RAB28: variants seen among roughly 807,000 people sequenced by gnomAD.
The protein encoded by RAB28 is ras-related protein Rab-28.
Under a neutral mutation model 31.7 loss-of-function variants are expected in RAB28, and 24 were observed. That is an observed-to-expected ratio of 0.76 (90% CI 0.55 to 1.06). RAB28 has a LOEUF of 1.06. Ranked by LOEUF, RAB28 falls within the 50% of genes least tolerant of loss-of-function variation. RAB28 has a pLI of 0.00. For missense variants in RAB28, 254 were observed against 258.5 expected (o/e 0.98, Z 0.12); for synonymous variants, 100 against 90.4 (o/e 1.11, Z -0.60).
chr4:13,400,347 A>C (rs73229655), intron 4 of RAB28, among the ~76,000 whole-genome samples: 2,095 of 152,300 alleles, frequency 0.014, 23 homozygotes, highest in Middle Eastern at 0.044. Flanking sequence ...CAGTTTGCTT[A>C]AATACCACAC....
chr4:13,371,372 G>A, intron 6 of RAB28: 1 of 985,192 alleles, frequency 1.0e-6, no homozygotes, highest in Non-Finnish European at 1.2e-6. Context: ...CAAACTATGG[G>A]TTACAATGAA....
intron 4 of RAB28, among the ~76,000 whole-genome samples, chr4:13,414,435 G>C (rs757150908): frequency 1.3e-5 from 2 of 152,132 alleles, no homozygotes; most frequent in African/African-American, 4.8e-5. Context: ...CCAAATTCTC[G>C]TATCAAAGGG....
intron 4 of RAB28, among the ~76,000 whole-genome samples, chr4:13,430,150 C>G (rs75640416): frequency 1.3e-5 from 2 of 152,076 alleles, no homozygotes; most frequent in African/African-American, 4.8e-5. Context: ...AACAGAACCC[C>G]TGCTCACATC....
At chr4:13,392,117 G>C (rs994928316) in intron 4 of RAB28, among the ~76,000 whole-genome samples, 4 of 152,038 alleles carry the variant, frequency 2.6e-5, no homozygotes, top group Non-Finnish European at 5.9e-5. Flanking sequence ...ATCTAAAGTT[G>C]TCACTTTTAT....
chr4:13,399,419 CAT>C (rs1325996254), intron 4 of RAB28, among the ~76,000 whole-genome samples: 15 of 152,210 alleles, frequency 9.9e-5, no homozygotes, highest in African/African-American at 3.1e-4. Context: ...TTACTCAGTA[CAT>C]GTCACCTGAT....
intron 4 of RAB28, among the ~76,000 whole-genome samples, chr4:13,393,272 T>C (rs1266997773): frequency 6.6e-6 from 1 of 152,070 alleles, no homozygotes; most frequent in Admixed American, 6.6e-5. Context: ...AAAAAATCAG[T>C]CAGATAGCCT....
At chr4:13,432,835 A>T (rs952542532) in intron 4 of RAB28, among the ~76,000 whole-genome samples, 1 of 152,182 alleles carries the variant, frequency 6.6e-6, no homozygotes, top group African/African-American at 2.4e-5. Flanking sequence ...ATAAAAGCTC[A>T]AAGACACTTT....
chr4:13,444,749 A>G (rs1169106137), intron 4 of RAB28, among the ~76,000 whole-genome samples: 1 of 152,224 alleles, frequency 6.6e-6, no homozygotes, highest in African/African-American at 2.4e-5. Context: ...GTGTAACCCA[A>G]AGCTTAATCT....
Position 13,386,254 on chromosome 4 carries a change from C to A in RAB28, c.392-4660G>T, listed in dbSNP as rs375136716. 4.6e-5 allele frequency among the ~76,000 whole-genome samples: 7 copies of A among 151,984 alleles called. No homozygotes were observed. In the East Asian group the frequency reaches 1.3e-3, roughly 29 times the overall value. On this transcript the variant is annotated intron_variant, in intron 4 of 6. Transcript: ENST00000330852. ...CAACTGCAACAAAAACAAAAATTTA[C>A]AAATGGTACCTAATTAAACTAAAGA... is the stretch of plus-strand genomic sequence containing the variant.
At position 13,401,267 on chromosome 4, in the gene RAB28, C is replaced by G. The variant is rs112225056; in HGVS notation, c.392-19673G>C. 2.8e-3 allele frequency among the ~76,000 whole-genome samples: 425 copies of G among 152,200 alleles called. 5 individuals carry two copies. The highest frequency in any genetic ancestry group is 9.0e-3 in the African/African-American group (374 of 41,524). Reference sequence around the variant, plus strand: ...CTTTTTTCATAAATGCAGAAGTATTCAGATTATCTATTTCTAGAGTGAACT... The same window carrying G: ...CTTTTTTCATAAATGCAGAAGTATTGAGATTATCTATTTCTAGAGTGAACT... On this transcript the variant is annotated intron_variant, in intron 4 of 6. Coordinates refer to ENST00000330852, the MANE Select transcript of RAB28 (RefSeq NM_001017979.3).
chr4:13,415,716 C>T (rs141887962), intron 4 of RAB28, among the ~76,000 whole-genome samples: 118 of 152,300 alleles, frequency 7.7e-4, no homozygotes, highest in African/African-American at 2.7e-3. Flanking sequence ...GAGCACCATC[C>T]CCTGCTCTAC....
At chr4:13,446,224 C>T (rs554231939) in intron 4 of RAB28, among the ~76,000 whole-genome samples, 2 of 152,196 alleles carry the variant, frequency 1.3e-5, no homozygotes, top group African/African-American at 2.4e-5. Context: ...CCCAACCAAA[C>T]TTGGTCCTCC....
intron 4 of RAB28, among the ~76,000 whole-genome samples, chr4:13,446,721 T>G (rs60178789): frequency 1.3e-5 from 2 of 151,862 alleles, no homozygotes; most frequent in African/African-American, 4.8e-5. Flanking sequence ...GGTACCTCAG[T>G]TGGAAATGCG....
chr4:13,376,450 C>T, intron 6 of RAB28, 95 bp downstream of exon 6: 1 of 793,098 alleles, frequency 1.3e-6, no homozygotes, highest in Non-Finnish European at 2.0e-6. Flanking sequence ...GAGATACGTA[C>T]ACAGAAGGCA....
At chr4:13,437,975 A>C (rs1321889885) in intron 4 of RAB28, among the ~76,000 whole-genome samples, 3 of 152,240 alleles carry the variant, frequency 2.0e-5, no homozygotes, top group African/African-American at 7.2e-5. Flanking sequence ...CTGGATAAAC[A>C]AAATGTGGTA....
At chr4:13,415,475 G>A (rs1360740880) in intron 4 of RAB28, among the ~76,000 whole-genome samples, 2 of 152,154 alleles carry the variant, frequency 1.3e-5, no homozygotes, top group South Asian at 2.1e-4. Flanking sequence ...TGGGCTCAGC[G>A]GGCTGCACTC....
intron 4 of RAB28, among the ~76,000 whole-genome samples, chr4:13,399,530 G>T (rs926386657): frequency 6.6e-6 from 1 of 152,160 alleles, no homozygotes; most frequent in Non-Finnish European, 1.5e-5. Flanking sequence ...CAAAGTAGCT[G>T]TACCAATTTA....
intron 4 of RAB28, among the ~76,000 whole-genome samples, chr4:13,385,191 T>C (rs569030121): frequency 6.6e-6 from 1 of 152,118 alleles, no homozygotes; most frequent in East Asian, 1.9e-4. Context: ...CTCTGAGAAA[T>C]AGGAGATTAC....
chr4:13,481,548 C>T (rs1716605239), intron 1 of RAB28, among the ~76,000 whole-genome samples: 1 of 151,908 alleles, frequency 6.6e-6, no homozygotes, highest in South Asian at 2.1e-4. Flanking sequence ...TTTCTACTAA[C>T]ATTTTTGACT....
Sources: allele counts gnomAD v4.1 joint callset (sites outside exome capture counted in the v4.1 genomes callset), GRCh38; gene constraint gnomAD v4.1.1; transcripts MANE v1.5; gene names NCBI Gene and HGNC (gene_info 2026-07-23, HGNC 2026-07-21).